The following CD247 variants were observed in gnomAD, a reference collection of about 807,000 sequenced individuals.
CD247 encodes the protein CD247 molecule, also known as T-cell surface glycoprotein CD3 zeta chain.
In CD247, 13 loss-of-function variants were observed where a neutral mutation model predicts 30.0. That is an observed-to-expected ratio of 0.43 (90% confidence interval 0.28 to 0.69). The LOEUF (loss-of-function observed/expected upper bound fraction) is 0.69, where lower values mean the gene tolerates loss of function less well. CD247 is among the 30% of genes least tolerant of loss of function. The pLI is 0.16. For missense variants in CD247, 193 were observed against 212.6 expected (o/e 0.91, Z 0.57); for synonymous variants, 72 against 80.0 (o/e 0.90, Z 0.53).
intron 1 of CD247, among the ~76,000 whole-genome samples, chr1:167,508,418 G>A (rs1474856531): frequency 6.6e-6 from 1 of 152,212 alleles, no homozygotes; most frequent in Non-Finnish European, 1.5e-5. Context: ...ATGGATGGGT[G>A]AGCGATGGTG....
chr1:167,486,318 C>A (rs1654205238), intron 1 of CD247, among the ~76,000 whole-genome samples: 1 of 152,212 alleles, frequency 6.6e-6, no homozygotes. Context: ...AGTGCCCTGG[C>A]CTCGGAGGGA....
At chr1:167,452,212 C>T (rs1453041085) in intron 1 of CD247, among the ~76,000 whole-genome samples, 3 of 147,284 alleles carry the variant, frequency 2.0e-5, no homozygotes, top group South Asian at 2.2e-4. Context: ...GCAACAAGAG[C>T]GAAACTCCAT....
At chr1:167,500,741 T>A (rs185513153) in intron 1 of CD247, among the ~76,000 whole-genome samples, 14 of 152,364 alleles carry the variant, frequency 9.2e-5, no homozygotes, top group African/African-American at 3.4e-4. Context: ...CAAATGCTTT[T>A]ATCGCTCAGG....
rs773084349 is a variant in CD247 at position 167,431,732 on chromosome 1, G to A, written c.444C>T (p.Ala148=). 1.3e-5 allele frequency: 21 copies of A among 1,613,982 alleles called. No individual in the cohort carries two copies. In the African/African-American group the frequency reaches 2.1e-4, roughly 16 times the overall value. ...HDGLYQGLST[A]TKDTYDALHM... ...GAAGGGCGTCGTAGGTGTCCTTGGT[G>A]GCTGTACTGAGACCCTGGCGTGAAA... is the stretch of plus-strand genomic sequence containing the variant. The change falls in exon 8 of 8, where the codon GCC becomes GCT. Residue 148 remains alanine (A), a synonymous_variant. Coordinates refer to ENST00000362089, the MANE Select transcript of CD247 (RefSeq NM_198053.3).
At chr1:167,508,920 C>T (rs1033209491) in intron 1 of CD247, among the ~76,000 whole-genome samples, 5 of 152,146 alleles carry the variant, frequency 3.3e-5, no homozygotes, top group African/African-American at 1.2e-4. Context: ...ATCATTTAAC[C>T]TTCATCTTCA....
intron 1 of CD247, among the ~76,000 whole-genome samples, chr1:167,490,416 A>G (rs1654399096): frequency 6.6e-6 from 1 of 150,988 alleles, no homozygotes; most frequent in Non-Finnish European, 1.5e-5. Context: ...CGAGGTCAGG[A>G]GTTTGAGACC....
chr1:167,447,534 G>A (rs1652144799), intron 1 of CD247, among the ~76,000 whole-genome samples: 1 of 152,092 alleles, frequency 6.6e-6, no homozygotes, highest in Non-Finnish European at 1.5e-5. Context: ...TTTCTATAGG[G>A]CAGCCTTTCA....
chr1:167,492,353 C>A lies in CD247; in HGVS notation c.58+26055G>T, dbSNP rs536785117. Reference sequence around the variant, plus strand: ...CGACAGAAAGGCTTAACCCCTGCGGCGCCAACTAGACCAGGAGACCTTGCC... The same window carrying A: ...CGACAGAAAGGCTTAACCCCTGCGGAGCCAACTAGACCAGGAGACCTTGCC... On this transcript the variant is annotated intron_variant, in intron 1 of 7. Coordinates refer to ENST00000362089, the MANE Select transcript of CD247 (RefSeq NM_198053.3). Among the ~76,000 whole-genome samples, 5 of 152,262 alleles carry A rather than the reference C, an allele frequency of 3.3e-5. No homozygotes were observed. The South Asian group carries it at 1.0e-3, about 32-fold the overall frequency.
intron 1 of CD247, among the ~76,000 whole-genome samples, chr1:167,468,774 C>A (rs947206804): frequency 2.0e-5 from 3 of 152,162 alleles, no homozygotes; most frequent in Non-Finnish European, 4.4e-5. Context: ...CTGCCTTCTG[C>A]TAAATTGTAA....
Position 167,494,598 on chromosome 1 carries a change from C to T in CD247, c.58+23810G>A, listed in dbSNP as rs1571584242. On this transcript the variant is annotated intron_variant, in intron 1 of 7. Transcript: ENST00000362089. This position sits in a 1 kb window ranked among gnomAD's most constrained non-coding sequence, Gnocchi z 7.3. ...TAGTGAACAGCACCATTCAAAGCTA[C>T]AGTGGTCTTATTGCTGTGTTTTCCT... Among the ~76,000 whole-genome samples, 1 of 152,252 alleles carries T rather than the reference C, an allele frequency of 6.6e-6. No individual in the cohort carries two copies. The highest frequency in any genetic ancestry group is 1.9e-4 in the East Asian group (1 of 5,186).
intron 1 of CD247, among the ~76,000 whole-genome samples, chr1:167,478,664 C>T (rs1416787699): frequency 3.9e-5 from 6 of 151,930 alleles, no homozygotes; most frequent in South Asian, 2.1e-4. Flanking sequence ...TCTGTGAAGG[C>T]GAGATTAAAA....
intron 1 of CD247, among the ~76,000 whole-genome samples, chr1:167,509,260 G>T (rs1409825553): frequency 4.0e-5 from 6 of 151,778 alleles, no homozygotes; most frequent in Admixed American, 6.6e-5. Flanking sequence ...CAGCTACACA[G>T]GAGGCTGAGG....
intron 1 of CD247, among the ~76,000 whole-genome samples, chr1:167,454,681 T>C (rs1652547134): frequency 6.8e-6 from 1 of 146,056 alleles, no homozygotes; most frequent in Non-Finnish European, 1.5e-5. Context: ...TATTATCCAG[T>C]GCTGTAAGGA....
At chr1:167,441,458 A>C (rs944128137) in intron 1 of CD247, among the ~76,000 whole-genome samples, 1 of 151,966 alleles carries the variant, frequency 6.6e-6, no homozygotes, top group African/African-American at 2.4e-5. Flanking sequence ...TCCCAGCTCC[A>C]TGGCCTCAGC....
At chr1:167,440,804 G>C in intron 1 of CD247, 37 bp from the exon 2 acceptor site, 2 of 1,421,788 alleles carry the variant, frequency 1.4e-6, no homozygotes, top group Non-Finnish European at 9.9e-7. Flanking sequence ...CCAGGCCCAA[G>C]GTGACGAGAA....
At chr1:167,503,738 G>T (rs1228868895) in intron 1 of CD247, among the ~76,000 whole-genome samples, 4 of 152,184 alleles carry the variant, frequency 2.6e-5, no homozygotes, top group African/African-American at 9.7e-5. Flanking sequence ...TGAGCAGGTG[G>T]CAACAGGGTC....
intron 1 of CD247, among the ~76,000 whole-genome samples, chr1:167,480,957 T>C (rs900789292): frequency 1.3e-5 from 2 of 152,244 alleles, no homozygotes; most frequent in African/African-American, 2.4e-5. Context: ...TAGATTCGCT[T>C]TCTAGTACAT....
chr1:167,435,512 G>GC, intron 4 of CD247, 78 bp from the exon 5 acceptor site: 1 of 1,158,960 alleles, frequency 8.6e-7, no homozygotes. Context: ...ACCCCATCCT[G>GC]CCCCCTGACT....
At chr1:167,433,938 G>C (rs1187163750) in intron 6 of CD247, 82 bp downstream of exon 6, 2 of 1,236,178 alleles carry the variant, frequency 1.6e-6, no homozygotes, top group African/African-American at 3.0e-5. Flanking sequence ...GATGAGAAGT[G>C]GATGGGAAAG....
Sources: gnomAD v4.1 joint callset for allele counts (sites outside exome capture counted in the v4.1 genomes callset) on GRCh38, gnomAD v4.1.1 for gene constraint, Gnocchi (gnomAD v3.1) non-coding constraint, MANE v1.5 for transcripts, NCBI Gene and HGNC (gene_info 2026-07-23, HGNC 2026-07-21) for gene names.